RSRC1: variants seen among roughly 807,000 people sequenced by gnomAD.
RSRC1 encodes serine/Arginine-related protein 53.
A neutral mutation model predicts 49.1 loss-of-function variants in RSRC1; 39 were observed. The ratio of observed to expected loss-of-function variants is 0.79; its 90% CI spans 0.61 to 1.04. RSRC1 has a LOEUF of 1.04. Among genes scored for constraint, RSRC1 ranks in the 50% least tolerant of loss-of-function variants. The pLI is 0.00. For missense variants in RSRC1, 388 were observed against 402.4 expected (o/e 0.96, Z 0.31); for synonymous variants, 143 against 130.8 (o/e 1.09, Z -0.63).
At chr3:158,485,441 G>A (rs889665851) in intron 7 of RSRC1, among the ~76,000 whole-genome samples, 3 of 151,984 alleles carry the variant, frequency 2.0e-5, no homozygotes, top group Admixed American at 2.0e-4. Flanking sequence ...AATATATTAA[G>A]ATAATTCATA....
At chr3:158,521,246 G>A (rs983290366) in intron 7 of RSRC1, among the ~76,000 whole-genome samples, 3 of 152,160 alleles carry the variant, frequency 2.0e-5, no homozygotes, top group African/African-American at 7.2e-5. Context: ...TAGAGCCACT[G>A]TCATCCCACG....
At chr3:158,275,743 A>T (rs1193308971) in intron 4 of RSRC1, 1 of 415,364 alleles carries the variant, frequency 2.4e-6, no homozygotes, top group African/African-American at 2.1e-5. Context: ...GACAAATAAC[A>T]CCTGTAAGCA....
intron 3 of RSRC1, among the ~76,000 whole-genome samples, chr3:158,168,297 C>A (rs1208046188): frequency 6.6e-6 from 1 of 152,172 alleles, no homozygotes; most frequent in African/African-American, 2.4e-5. Context: ...ATCCAGCTAA[C>A]CACAAGAATT....
chr3:158,248,066 G>A (rs570260113), intron 4 of RSRC1, among the ~76,000 whole-genome samples: 4 of 152,192 alleles, frequency 2.6e-5, no homozygotes, highest in African/African-American at 7.2e-5. Context: ...ATTCCTCTTC[G>A]AGAGTGCTTA....
intron 3 of RSRC1, among the ~76,000 whole-genome samples, chr3:158,162,903 C>T (rs993469832): frequency 1.1e-4 from 17 of 152,210 alleles, no homozygotes; most frequent in African/African-American, 3.6e-4. Flanking sequence ...AAATGATATT[C>T]GTTAACTCTT....
chr3:158,193,486 T>C (rs531876721), intron 3 of RSRC1, among the ~76,000 whole-genome samples: 7 of 152,138 alleles, frequency 4.6e-5, no homozygotes, highest in Non-Finnish European at 7.4e-5. Flanking sequence ...TTTGTTACTC[T>C]GTATTTTCAC....
chr3:158,121,717 A>C (rs1414945316), intron 1 of RSRC1, among the ~76,000 whole-genome samples: 3 of 152,258 alleles, frequency 2.0e-5, no homozygotes, highest in Non-Finnish European at 4.4e-5. Context: ...CATATAATTA[A>C]TGAGAAATAT....
chr3:158,225,743 C>T (rs1722494901), intron 4 of RSRC1: 1 of 438,718 alleles, frequency 2.3e-6, no homozygotes, highest in East Asian at 7.0e-5. Flanking sequence ...TGTGAGTAAA[C>T]CTATACAAGC....
chr3:158,167,255 C>T (rs1296494804), intron 3 of RSRC1, among the ~76,000 whole-genome samples: 1 of 152,070 alleles, frequency 6.6e-6, no homozygotes. Context: ...AGTACGATCT[C>T]GGCTCACTGC....
chr3:158,190,038 T>C (rs1720145417), intron 3 of RSRC1, among the ~76,000 whole-genome samples: 1 of 152,000 alleles, frequency 6.6e-6, no homozygotes, highest in South Asian at 2.1e-4. Context: ...CAATGGGATG[T>C]AACATGGCCA....
chr3:158,406,835 C>T (rs1734181802), intron 6 of RSRC1, among the ~76,000 whole-genome samples: 1 of 151,996 alleles, frequency 6.6e-6, no homozygotes, highest in African/African-American at 2.4e-5. Flanking sequence ...TCCCATAATG[C>T]CATTGATCAA....
chr3:158,213,593 G>A (rs117959023), intron 4 of RSRC1, among the ~76,000 whole-genome samples: 7 of 151,880 alleles, frequency 4.6e-5, no homozygotes, highest in African/African-American at 1.7e-4. Flanking sequence ...GAGTACTGCT[G>A]TTTTAATTCT....
intron 5 of RSRC1, among the ~76,000 whole-genome samples, chr3:158,347,529 AATCTT>A (rs1353831521): frequency 6.6e-6 from 1 of 152,176 alleles, no homozygotes; most frequent in Non-Finnish European, 1.5e-5. Context: ...ATCTGAATCT[AATCTT>A]AAATCTGATC....
chr3:158,511,093 G>A (rs1312439611), intron 7 of RSRC1, among the ~76,000 whole-genome samples: 1 of 147,652 alleles, frequency 6.8e-6, no homozygotes, highest in Non-Finnish European at 1.5e-5. Context: ...TAAAGAATTG[G>A]CACCTCATTT....
chr3:158,516,096 C>G (rs1482275453), intron 7 of RSRC1, among the ~76,000 whole-genome samples: 1 of 152,240 alleles, frequency 6.6e-6, no homozygotes, highest in Non-Finnish European at 1.5e-5. Context: ...CTTCTCTCAG[C>G]TCGTCAAAGT....
chr3:158,325,633 C>G (rs1163105333), intron 5 of RSRC1, among the ~76,000 whole-genome samples: 1 of 152,096 alleles, frequency 6.6e-6, no homozygotes, highest in African/African-American at 2.4e-5. Flanking sequence ...TTACTGTAGC[C>G]TTGTAGTATT....
intron 5 of RSRC1, among the ~76,000 whole-genome samples, chr3:158,317,880 T>G (rs1166575029): frequency 1.3e-5 from 2 of 152,146 alleles, no homozygotes; most frequent in Non-Finnish European, 2.9e-5. Context: ...ATTTTAAAAA[T>G]TCACACAGAA....
At chr3:158,194,106 A>G (rs1720404498) in intron 3 of RSRC1, among the ~76,000 whole-genome samples, 1 of 142,362 alleles carries the variant, frequency 7.0e-6, no homozygotes, top group Non-Finnish European at 1.5e-5. Flanking sequence ...CACACACAGA[A>G]AAGAAATTAG....
At chr3:158,358,513 G>A (rs1731283026) in intron 6 of RSRC1, among the ~76,000 whole-genome samples, 1 of 152,100 alleles carries the variant, frequency 6.6e-6, no homozygotes, top group East Asian at 1.9e-4. Flanking sequence ...GTAACTTTGA[G>A]CAGTTTAATG....
Sources: gnomAD v4.1 joint callset for allele counts (sites outside exome capture counted in the v4.1 genomes callset) on GRCh38, gnomAD v4.1.1 for gene constraint, MANE v1.5 for transcripts, NCBI Gene and HGNC (gene_info 2026-07-23, HGNC 2026-07-21) for gene names.